LRP1B: variants seen among roughly 807,000 people sequenced by gnomAD.
LRP1B encodes LDL receptor related protein 1B.
A neutral mutation model predicts 556.6 loss-of-function variants in LRP1B; 217 were observed. The ratio of observed to expected loss-of-function variants is 0.39; its 90% CI spans 0.35 to 0.44. The LOEUF (loss-of-function observed/expected upper bound fraction) is 0.44, where lower values mean the gene tolerates loss of function less well. LRP1B is among the 20% of genes least tolerant of loss of function. The probability of loss-of-function intolerance (pLI) is 1.00; values close to 1 mark genes in which losing one functional copy is unlikely to be tolerated. For missense variants in LRP1B, 5,053 were observed against 5,620.8 expected, an observed-to-expected ratio of 0.90 and a Z score of 3.23; for synonymous variants, 2,047 against 1,865.8, an observed-to-expected ratio of 1.10 and a Z score of -2.50.
At chr2:141,784,900 C>T (rs1050841892) in intron 2 of LRP1B, among the ~76,000 whole-genome samples, 1 of 151,894 alleles carries the variant, frequency 6.6e-6, no homozygotes, top group Non-Finnish European at 1.5e-5. Context: ...TGGTTTTCCT[C>T]AAGTCCTACA....
At chr2:141,974,384 T>C (rs556382964) in intron 1 of LRP1B, among the ~76,000 whole-genome samples, 1 of 152,094 alleles carries the variant, frequency 6.6e-6, no homozygotes, top group Non-Finnish European at 1.5e-5. Flanking sequence ...AAGGAACTGG[T>C]TAAACATTTG....
intron 2 of LRP1B, among the ~76,000 whole-genome samples, chr2:141,797,247 C>T (rs1374612879): frequency 2.8e-5 from 4 of 141,966 alleles, no homozygotes; most frequent in African/African-American, 1.1e-4. Context: ...TGCCTATGGA[C>T]TTATTTTTTA....
At chr2:141,291,855 CAAAAAAAAAAAAAAAAAAA>C (rs143819331) in intron 3 of LRP1B, among the ~76,000 whole-genome samples, 2 of 99,318 alleles carry the variant, frequency 2.0e-5, no homozygotes, top group Non-Finnish European at 3.9e-5. Flanking sequence ...GACTCTGTCT[CAAAAAAAAAAAAAAAAAAA>C]AAAAAAAAAA....
At chr2:141,591,339 G>GC (rs1553539608) in intron 2 of LRP1B, among the ~76,000 whole-genome samples, 13 of 66,250 alleles carry the variant, frequency 2.0e-4, no homozygotes, top group Admixed American at 8.6e-4. Flanking sequence ...TTTAGTACTG[G>GC]TTTTTTTTTG....
chr2:140,541,490 A>G (rs1680131154), intron 44 of LRP1B, among the ~76,000 whole-genome samples: 1 of 152,114 alleles, frequency 6.6e-6, no homozygotes, highest in Admixed American at 6.6e-5. Flanking sequence ...GTGAGGATGA[A>G]ATAAGATTTT....
intron 1 of LRP1B, among the ~76,000 whole-genome samples, chr2:141,910,140 C>CAAAGA (rs1699869820): frequency 7.6e-6 from 1 of 131,738 alleles, no homozygotes; most frequent in African/African-American, 2.9e-5. Flanking sequence ...GACTCCATCT[C>CAAAGA]AAAAAAAAAA....
intron 1 of LRP1B, among the ~76,000 whole-genome samples, chr2:141,842,603 G>T (rs1697512265): frequency 6.6e-6 from 1 of 152,008 alleles, no homozygotes; most frequent in Non-Finnish European, 1.5e-5. Flanking sequence ...ATGATTATTA[G>T]CTACTTGTTC....
intron 7 of LRP1B, among the ~76,000 whole-genome samples, chr2:141,129,353 C>T (rs1450806035): frequency 6.6e-6 from 1 of 151,944 alleles, no homozygotes; most frequent in East Asian, 1.9e-4. Context: ...ACCGAATGAC[C>T]CTTTCAAGCT....
At chr2:141,147,284 C>G (rs1050653698) in intron 7 of LRP1B, among the ~76,000 whole-genome samples, 1 of 152,100 alleles carries the variant, frequency 6.6e-6, no homozygotes, top group Non-Finnish European at 1.5e-5. Flanking sequence ...CCTCTAAATT[C>G]TCTCACCCCT....
chr2:140,407,290 T>G (rs1457551380), intron 66 of LRP1B, among the ~76,000 whole-genome samples: 1 of 152,036 alleles, frequency 6.6e-6, no homozygotes, highest in African/African-American at 2.4e-5. Flanking sequence ...GGCAAAGAAT[T>G]TATGACTAAG....
chr2:140,747,135 G>T (rs1199064760), intron 35 of LRP1B, among the ~76,000 whole-genome samples: 1 of 152,118 alleles, frequency 6.6e-6, no homozygotes, highest in African/African-American at 2.4e-5. Flanking sequence ...GTTGCAAAAA[G>T]CATCAATATT....
At chr2:141,757,177 A>G (rs971945606) in intron 2 of LRP1B, among the ~76,000 whole-genome samples, 4 of 152,336 alleles carry the variant, frequency 2.6e-5, no homozygotes, top group Admixed American at 2.6e-4. Context: ...TTAGCAGTAG[A>G]AATTTTTTTA....
chr2:141,831,074 T>C (rs1697098222), intron 1 of LRP1B, among the ~76,000 whole-genome samples: 1 of 151,818 alleles, frequency 6.6e-6, no homozygotes, highest in African/African-American at 2.4e-5. Context: ...TTTAAATGCA[T>C]TAATTTCATT....
chr2:141,259,250 TAG>T (rs1415156467), intron 3 of LRP1B, among the ~76,000 whole-genome samples: 1 of 152,166 alleles, frequency 6.6e-6, no homozygotes, highest in Non-Finnish European at 1.5e-5. Flanking sequence ...TGAATGGTGG[TAG>T]AGTATTGTGT....
In LRP1B at chr2:141,192,123, C is replaced by T. The variant is rs116806714; in HGVS notation, c.851-3540G>A. On this transcript the variant is annotated intron_variant, in intron 6 of 90. Coordinates refer to ENST00000389484, the MANE Select transcript of LRP1B (RefSeq NM_018557.3). ...ACTATGGGGAATTGGCTTTGTTCCTCATTTTATAGTTGAAGTGTCTGCTTT... is the reference window on the plus strand; with the variant it reads ...ACTATGGGGAATTGGCTTTGTTCCTTATTTTATAGTTGAAGTGTCTGCTTT... Among the ~76,000 whole-genome samples, 896 of 151,952 alleles carry T rather than the reference C, an allele frequency of 5.9e-3. 13 individuals carry two copies. The highest frequency in any genetic ancestry group is 0.02 in the African/African-American group (847 of 41,504).
chr2:141,886,326 G>A (rs1264914957), intron 1 of LRP1B, among the ~76,000 whole-genome samples: 4 of 151,942 alleles, frequency 2.6e-5, no homozygotes, highest in East Asian at 3.9e-4. Context: ...ACATGTTAAC[G>A]GCCTACAAAA....
intron 53 of LRP1B, among the ~76,000 whole-genome samples, chr2:140,506,323 C>T (rs540504800): frequency 1.4e-3 from 210 of 147,846 alleles, no homozygotes; most frequent in African/African-American, 4.4e-3. Flanking sequence ...CGGCTCACTG[C>T]GACCTCTACT....
At chr2:140,421,434 A>C (rs1558870638) in intron 66 of LRP1B, among the ~76,000 whole-genome samples, 1 of 152,158 alleles carries the variant, frequency 6.6e-6, no homozygotes, top group Non-Finnish European at 1.5e-5. Context: ...CTTTAACACT[A>C]ATTATTATAC....
intron 86 of LRP1B, among the ~76,000 whole-genome samples, chr2:140,260,817 C>T (rs951706961): frequency 3.3e-5 from 5 of 151,784 alleles, no homozygotes; most frequent in Admixed American, 2.6e-4. Context: ...CTGGTTTTCT[C>T]TTAACAGCTT....
Sources: allele counts gnomAD v4.1 joint callset (sites outside exome capture counted in the v4.1 genomes callset), GRCh38; gene constraint gnomAD v4.1.1; transcripts MANE v1.5; gene names NCBI Gene and HGNC (gene_info 2026-07-23, HGNC 2026-07-21).